The following PCDHGA7 variants were observed in gnomAD, a reference collection of about 807,000 sequenced individuals.
PCDHGA7 encodes the protein protocadherin gamma subfamily A, 7, also known as protocadherin gamma-A7.
A neutral mutation model predicts 58.3 loss-of-function variants in PCDHGA7; 44 were observed. The ratio of observed to expected loss-of-function variants is 0.75; its 90% CI spans 0.59 to 0.97. The LOEUF is 0.97. Ranked by LOEUF, PCDHGA7 falls within the 50% of genes least tolerant of loss-of-function variation. The pLI is 0.00. For missense variants in PCDHGA7, 1,266 were observed against 1,188.7 expected (o/e 1.06, Z -0.96); for synonymous variants, 516 against 504.2 (o/e 1.02, Z -0.31).
Position 141,491,422 on chromosome 5 carries a change from G to A in PCDHGA7, c.2425-3385G>A. 1 of 1,614,112 alleles carries A rather than the reference G, an allele frequency of 6.2e-7. No individual in the cohort carries two copies. Among genetic ancestry groups the A allele is most frequent in the East Asian group, 2.2e-5 (1 of 44,874 alleles). On this transcript the variant is annotated intron_variant, in intron 1 of 3. Coordinates refer to ENST00000518325, the MANE Select transcript of PCDHGA7 (RefSeq NM_018920.4). The surrounding 1 kb of genome is among the most constrained non-coding windows in gnomAD (Gnocchi z 6.9). The stretch of plus-strand genomic sequence containing the variant: ...AAACGCAGACGGGGACGGGGGTGGA[G>A]GGCAGTGCTGCAGGCGCCAGGACTC...
chr5:141,429,421 C>T (rs1223756901), intron 1 of PCDHGA7, among the ~76,000 whole-genome samples: 1 of 151,486 alleles, frequency 6.6e-6, no homozygotes, highest in Non-Finnish European at 1.5e-5. Context: ...CATTATGTTG[C>T]CCAGGCTGGA....
intron 1 of PCDHGA7, among the ~76,000 whole-genome samples, chr5:141,484,720 G>A (rs1458277947): frequency 2.6e-5 from 4 of 151,988 alleles, no homozygotes; most frequent in African/African-American, 7.2e-5. Flanking sequence ...GAAAAGGGGC[G>A]GGGTCAGTCG....
At position 141,383,348 on chromosome 5, in the gene PCDHGA7, T is replaced by C; in HGVS notation, c.449T>C (p.Val150Ala). The change falls in exon 1 of 4, where the codon GTT (valine) becomes GCT (alanine). Residue 150 changes from valine to alanine, a missense_variant. Val to Ala is a moderately conservative substitution (Grantham distance 64). Transcript: ENST00000518325. ...VKIMENTAPGVRFPLSEAGDP... is the reference protein window; with the variant it reads ...VKIMENTAPGARFPLSEAGDP... ...ATAATGGAGAATACAGCTCCTGGGGTTCGGTTTCCGTTAAGCGAGGCTGGG... is the reference window on the plus strand; with the variant it reads ...ATAATGGAGAATACAGCTCCTGGGGCTCGGTTTCCGTTAAGCGAGGCTGGG... 6.2e-7 allele frequency: 1 copy of C among 1,613,946 alleles called. No homozygotes were observed. Among genetic ancestry groups the C allele is most frequent in the Admixed American group, 1.7e-5 (1 of 60,008 alleles).
intron 1 of PCDHGA7, chr5:141,421,581 C>T (rs2096585155): frequency 2.5e-6 from 4 of 1,613,712 alleles, no homozygotes; most frequent in Admixed American, 1.7e-5. Flanking sequence ...TGAAGATTTA[C>T]GGAGTGGAGG....
chr5:141,499,635 A>C (rs578081078), intron 2 of PCDHGA7, among the ~76,000 whole-genome samples: 16 of 152,136 alleles, frequency 1.1e-4, no homozygotes, highest in African/African-American at 3.6e-4. Context: ...CTTTTGAAGC[A>C]AATCTCAGAC....
intron 1 of PCDHGA7, chr5:141,414,589 G>T: frequency 1.2e-6 from 2 of 1,613,834 alleles, no homozygotes; most frequent in African/African-American, 2.7e-5. Flanking sequence ...CAACGCCAGG[G>T]GTGCCTCCAT....
chr5:141,486,271 C>T lies in PCDHGA7; in HGVS notation c.2425-8536C>T. 1 of 1,614,086 alleles carries T rather than the reference C, an allele frequency of 6.2e-7. No homozygotes were observed. Among genetic ancestry groups the T allele is most frequent in the Non-Finnish European group, 8.5e-7 (1 of 1,179,994 alleles). ...CCCTCCCCGAGAGTGCAGAACCTGG[C>T]ACTGTGGTGGCACTTATCAGTGTGC... On this transcript the variant is annotated intron_variant, in intron 1 of 3. Coordinates refer to ENST00000518325, the MANE Select transcript of PCDHGA7 (RefSeq NM_018920.4). The surrounding 1 kb of genome is among the most constrained non-coding windows in gnomAD (Gnocchi z 5.0).
intron 1 of PCDHGA7, among the ~76,000 whole-genome samples, chr5:141,471,039 A>G (rs1175460270): frequency 7.2e-6 from 1 of 137,964 alleles, no homozygotes; most frequent in Non-Finnish European, 1.5e-5. Context: ...TAACAAGCCC[A>G]AGCCCTCTTT....
intron 1 of PCDHGA7, chr5:141,395,295 T>G: frequency 1.3e-6 from 2 of 1,525,988 alleles, no homozygotes; most frequent in Middle Eastern, 1.8e-4. Flanking sequence ...TGGCATAAAT[T>G]ATGTTTTGAA....
At chr5:141,465,152 G>C (rs1028596804) in intron 1 of PCDHGA7, among the ~76,000 whole-genome samples, 1 of 151,422 alleles carries the variant, frequency 6.6e-6, no homozygotes, top group African/African-American at 2.4e-5. Flanking sequence ...TATATGAAGG[G>C]ACTCTAAATG....
chr5:141,491,659 G>A lies in PCDHGA7; in HGVS notation c.2425-3148G>A. On this transcript the variant is annotated intron_variant, in intron 1 of 3. Transcript: ENST00000518325. This position sits in a 1 kb window ranked among gnomAD's most constrained non-coding sequence, Gnocchi z 6.9. ...CACAGCTCTGGCGCTGGAGCCTGACGCCATCCGGTCCCGCTCTAATACGCT... is the reference window on the plus strand; with the variant it reads ...CACAGCTCTGGCGCTGGAGCCTGACACCATCCGGTCCCGCTCTAATACGCT... 6.2e-7 allele frequency: 1 copy of A among 1,613,766 alleles called. No homozygotes were observed. The highest frequency in any genetic ancestry group is 8.5e-7 in the Non-Finnish European group (1 of 1,180,004).
intron 1 of PCDHGA7, among the ~76,000 whole-genome samples, chr5:141,450,038 A>G (rs2098666630): frequency 8.1e-6 from 1 of 124,190 alleles, no homozygotes; most frequent in African/African-American, 3.3e-5. Context: ...ACAGGGTCTC[A>G]CTCTTTCGCC....
In PCDHGA7 at chr5:141,476,584, C is replaced by A; in HGVS notation, c.2425-18223C>A. ...TGGCTCCGGGGACGCGCTTTCCGCTCGAGAGCGCGCACGATCCCGATGTGG... is the reference window on the plus strand; with the variant it reads ...TGGCTCCGGGGACGCGCTTTCCGCTAGAGAGCGCGCACGATCCCGATGTGG... On this transcript the variant is annotated intron_variant, in intron 1 of 3. Coordinates refer to ENST00000518325, the MANE Select transcript of PCDHGA7 (RefSeq NM_018920.4). This position sits in a 1 kb window ranked among gnomAD's most constrained non-coding sequence, Gnocchi z 7.6. The A allele has an allele frequency of 6.2e-7, 1 of 1,614,216 alleles. No homozygotes were observed. The highest frequency in any genetic ancestry group is 8.5e-7 in the Non-Finnish European group (1 of 1,180,042).
At chr5:141,497,479 G>A (rs1028715475) in intron 2 of PCDHGA7, among the ~76,000 whole-genome samples, 5 of 151,886 alleles carry the variant, frequency 3.3e-5, no homozygotes, top group Non-Finnish European at 7.4e-5. Flanking sequence ...GAGAAGGTGC[G>A]GAACCTCTCT....
rs752472089 is a variant in PCDHGA7, at chr5:141,389,501, G to T, written c.2424+4178G>T. The T allele has an allele frequency of 3.7e-6, 6 of 1,612,948 alleles. No individual in the cohort carries two copies. In the East Asian group the frequency reaches 6.7e-5, roughly 18 times the overall value. On this transcript the variant is annotated intron_variant, in intron 1 of 3. Transcript: ENST00000518325. Reference sequence around the variant, plus strand: ...AGGCCCGCGACCAGGGCTCGCCAGCGCTCAGCGCGAACGTGAGCCTGCGCG... The same window carrying T: ...AGGCCCGCGACCAGGGCTCGCCAGCTCTCAGCGCGAACGTGAGCCTGCGCG...
chr5:141,472,850 G>A (rs1230517294), intron 1 of PCDHGA7, among the ~76,000 whole-genome samples: 1 of 151,876 alleles, frequency 6.6e-6, no homozygotes, highest in Admixed American at 6.6e-5. Flanking sequence ...GCTGGGCATG[G>A]TGGCACATGC....
chr5:141,444,920 G>A (rs2098451595), intron 1 of PCDHGA7, among the ~76,000 whole-genome samples: 1 of 152,110 alleles, frequency 6.6e-6, no homozygotes, highest in Non-Finnish European at 1.5e-5. Context: ...ACCTTTATCA[G>A]GGAAAGAGGG....
intron 1 of PCDHGA7, among the ~76,000 whole-genome samples, chr5:141,488,600 A>G (rs2099677400): frequency 6.6e-6 from 1 of 152,166 alleles, no homozygotes; most frequent in Admixed American, 6.5e-5. Flanking sequence ...AAGACTTTAC[A>G]AGGTTCTTAC....
chr5:141,388,775 G>A (rs1187741321), intron 1 of PCDHGA7: 1 of 1,613,726 alleles, frequency 6.2e-7, no homozygotes, highest in Non-Finnish European at 8.5e-7. Context: ...CTAACACCGG[G>A]GAAATTACTG....
Sources: gnomAD v4.1 joint callset for allele counts (sites outside exome capture counted in the v4.1 genomes callset) on GRCh38, gnomAD v4.1.1 for gene constraint, Gnocchi (gnomAD v3.1) non-coding constraint, MANE v1.5 for transcripts, NCBI Gene and HGNC (gene_info 2026-07-23, HGNC 2026-07-21) for gene names.